LMBR1L: variants seen among roughly 807,000 people sequenced by gnomAD.
The protein encoded by LMBR1L is protein LMBR1L.
Under a neutral mutation model 67.3 loss-of-function variants are expected in LMBR1L, and 47 were observed. The observed-to-expected ratio is 0.70, with a 90% CI of 0.55 to 0.89. The LOEUF (loss-of-function observed/expected upper bound fraction) is 0.89, where lower values mean the gene tolerates loss of function less well. LMBR1L is among the 40% of genes least tolerant of loss of function. LMBR1L has a pLI of 0.00. For missense variants in LMBR1L, 533 were observed against 599.2 expected (o/e 0.89, Z 1.15); for synonymous variants, 247 against 250.3 (o/e 0.99, Z 0.13).
chr12:49,101,219 C>T (rs370240943), intron 13 of LMBR1L, 31 bp downstream of exon 13: 49 of 1,613,994 alleles, frequency 3.0e-5, no homozygotes, highest in Non-Finnish European at 3.3e-5. Flanking sequence ...GTTTGCTGAA[C>T]AGAGGCAATG....
intron 8 of LMBR1L, among the ~76,000 whole-genome samples, 163 bp from the exon 9 acceptor site, chr12:49,102,703 T>A (rs944332671): frequency 6.6e-6 from 1 of 152,218 alleles, no homozygotes; most frequent in South Asian, 2.1e-4. Context: ...CCAATTGCCC[T>A]GTATTCTGCC....
Position 49,103,760 on chromosome 12 carries a change from C to T in LMBR1L, c.489G>A (p.Leu163=), listed in dbSNP as rs1178347939. The change falls in exon 6 of 17, where the codon CTG becomes CTA. Residue 163 remains leucine (L), a synonymous_variant. Transcript: ENST00000267102. ...ETVVMLMLLT[L]LVLGMVWVAS... ...CCACCCACACCATACCTAGCACCAG[C>T]AGAGTGAGGAGCATCAACATCACCA... The T allele has an allele frequency of 1.9e-6, 3 of 1,614,074 alleles. No individual in the cohort carries two copies. In the South Asian group the frequency reaches 3.3e-5, roughly 18 times the overall value.
At chr12:49,102,030 AT>A (rs1242844378) in intron 11 of LMBR1L, 89 bp downstream of exon 11, 2 of 1,120,298 alleles carry the variant, frequency 1.8e-6, no homozygotes, top group African/African-American at 3.1e-5. Flanking sequence ...ATTACTGATG[AT>A]AACCAGGTCC....
intron 10 of LMBR1L, 27 bp from the exon 11 acceptor site, chr12:49,102,223 A>C: frequency 8.7e-6 from 14 of 1,613,880 alleles, no homozygotes; most frequent in African/African-American, 6.7e-5. Flanking sequence ...GGCTGTCAGC[A>C]AGCACCTGGA....
At chr12:49,103,225 C>T (rs1940448068) in intron 6 of LMBR1L, 66 bp from the exon 7 acceptor site, 1 of 1,392,678 alleles carries the variant, frequency 7.2e-7, no homozygotes, top group South Asian at 1.2e-5. Flanking sequence ...GGCTGACAGG[C>T]CTCAGAGTCT....
intron 3 of LMBR1L, chr12:49,105,159 G>C: frequency 2.2e-6 from 1 of 447,732 alleles, no homozygotes; most frequent in South Asian, 3.0e-5. Flanking sequence ...GCTGTCCCCA[G>C]GAATGTGGTC....
intron 1 of LMBR1L, chr12:49,110,036 T>C (rs1443856444): frequency 2.2e-6 from 1 of 460,910 alleles, no homozygotes; most frequent in Admixed American, 2.3e-5. Flanking sequence ...CCGTCTGCCA[T>C]CCCTACACCT....
intron 15 of LMBR1L, among the ~76,000 whole-genome samples, chr12:49,099,196 G>C (rs1252592044): frequency 7.0e-6 from 1 of 143,296 alleles, no homozygotes; most frequent in African/African-American, 2.6e-5. Context: ...GTACCATCTT[G>C]GCTCGCTGCA....
intron 14 of LMBR1L, 34 bp from the exon 15 acceptor site, chr12:49,100,488 G>T: frequency 6.2e-7 from 1 of 1,608,632 alleles, no homozygotes; most frequent in Non-Finnish European, 8.5e-7. Context: ...AGGTGAGGGT[G>T]GAAGAGCTGC....
At position 49,110,620 on chromosome 12, in the gene LMBR1L, C is replaced by A; in HGVS notation, c.-65G>T. 7.6e-6 allele frequency: 11 copies of A among 1,453,294 alleles called. No individual in the cohort carries two copies. The highest frequency in any genetic ancestry group is 1.1e-5 in the Non-Finnish European group (11 of 1,035,916). 90.0% of individuals were successfully genotyped at this position (1,453,294 alleles called of 1,614,324 possible). A position where few individuals can be genotyped will look rare whatever the true frequency, so the allele number is the denominator to read the frequency against. On this transcript the variant is annotated 5_prime_UTR_variant, in exon 1 of 17. Transcript: ENST00000267102. Reference sequence around the variant, plus strand: ...CCGGGGAGGACGAGCGGGGAGGAAGCCGCCGCCGCCAAGCACCCAGACCCA... The same window carrying A: ...CCGGGGAGGACGAGCGGGGAGGAAGACGCCGCCGCCAAGCACCCAGACCCA...
rs1377594810 is a variant in LMBR1L, at chr12:49,104,356, AC to A, written c.435+91del. 39 of 966,584 alleles carry A rather than the reference AC, an allele frequency of 4.0e-5. No individual in the cohort carries two copies. The African/African-American group carries it at 6.0e-4, about 15-fold the overall frequency. The allele number at this position is 966,584 out of a possible 1,614,324, so 59.9% of individuals were successfully genotyped here. On this transcript the variant is annotated intron_variant, in intron 5 of 16. Coordinates refer to ENST00000267102, the MANE Select transcript of LMBR1L (RefSeq NM_018113.4). ...AGAGCCTCAAACTTCCGTTAACTAA[AC>A]CTCTGCAAATAGCCTCTTTATTAAA...
intron 15 of LMBR1L, 106 bp downstream of exon 15, chr12:49,100,282 G>A (rs1806341665): frequency 4.5e-6 from 4 of 884,192 alleles, no homozygotes; most frequent in South Asian, 4.1e-5. Flanking sequence ...ACCTACTCAT[G>A]GGTTTGTTGT....
chr12:49,100,197 A>ATG (rs1939958911), intron 15 of LMBR1L, among the ~76,000 whole-genome samples, 191 bp downstream of exon 15: 1 of 152,240 alleles, frequency 6.6e-6, no homozygotes, highest in South Asian at 2.1e-4. Flanking sequence ...TGTAAAAAGT[A>ATG]TGTACTTTGA....
At chr12:49,103,312 G>C (rs1940462117) in intron 6 of LMBR1L, among the ~76,000 whole-genome samples, 153 bp from the exon 7 acceptor site, 1 of 152,134 alleles carries the variant, frequency 6.6e-6, no homozygotes, top group Admixed American at 6.6e-5. Flanking sequence ...GCAGAATAGG[G>C]AGTGGCAGGG....
chr12:49,108,145 C>T (rs987419852), intron 1 of LMBR1L, among the ~76,000 whole-genome samples: 2 of 152,130 alleles, frequency 1.3e-5, no homozygotes, highest in Admixed American at 6.6e-5. Flanking sequence ...TACCTGTAAT[C>T]CCAGCTACTC....
At position 49,104,846 on chromosome 12, in the gene LMBR1L, A is replaced by G; in HGVS notation, c.231T>C (p.Gly77=). Residue 77 remains glycine (G), a synonymous_variant, in exon 4 of 17, where the codon GGT becomes GGC. Coordinates refer to ENST00000267102, the MANE Select transcript of LMBR1L (RefSeq NM_018113.4). ...LCTFTLAIAL[G]AVLLLPFSII... is the part of the protein sequence containing the mutation. ...TGGAGAAGGGCAGGAGCAGGACAGC[A>G]CCCAGGGCAATTGCCAGGGTAAAGG... 1.2e-6 allele frequency: 2 copies of G among 1,613,510 alleles called. No individual in the cohort carries two copies. Among genetic ancestry groups the G allele is most frequent in the South Asian group, 2.2e-5 (2 of 90,954 alleles).
chr12:49,101,774 G>A (rs1009065859), intron 11 of LMBR1L: 1 of 581,682 alleles, frequency 1.7e-6, no homozygotes, highest in Non-Finnish European at 3.0e-6. Context: ...AGGCTGAATA[G>A]GAAAAGGCAT....
Position 49,104,546 on chromosome 12 carries a change from A to C in LMBR1L, c.337T>G (p.Trp113Gly). The C allele has an allele frequency of 6.2e-7, 1 of 1,612,872 alleles. No homozygotes were observed. The highest frequency in any genetic ancestry group is 8.5e-7 in the Non-Finnish European group (1 of 1,178,856). ...TTGGAGAAGAGAAAAACAAGGTTCC[A>C]GAGGCCTAGAGCAAAAAAGGAAGAG... is the stretch of plus-strand genomic sequence containing the variant. Reference protein sequence around the residue: ...WLNGSLIHGLWNLVFLFSNLS... With the variant: ...WLNGSLIHGLGNLVFLFSNLS... Residue 113 changes from tryptophan to glycine, a missense_variant, in exon 5 of 17, where the codon TGG (tryptophan) becomes GGG (glycine). Trp to Gly is a radical substitution (Grantham distance 184, BLOSUM62 -2). This residue lies in a region of LMBR1L where 246 missense variants were observed against 249.0 expected (regional missense o/e 0.99). Transcript: ENST00000267102.
chr12:49,104,688 A>G, intron 4 of LMBR1L, 58 bp downstream of exon 4: 1 of 1,607,818 alleles, frequency 6.2e-7, no homozygotes, highest in Non-Finnish European at 8.5e-7. Flanking sequence ...AGTCCACCCA[A>G]CTCTATCTGC....
Sources: allele counts gnomAD v4.1 joint callset (sites outside exome capture counted in the v4.1 genomes callset), GRCh38; gene constraint gnomAD v4.1.1; regional missense constraint gnomAD v4.1.1; transcripts MANE v1.5; gene names NCBI Gene and HGNC (gene_info 2026-07-23, HGNC 2026-07-21).